KCNC2: variants seen among roughly 807,000 people sequenced by gnomAD.
KCNC2 encodes potassium voltage-gated channel subfamily C member 2.
In KCNC2, 21 loss-of-function variants were observed where a neutral mutation model predicts 44.5. That is an observed-to-expected ratio of 0.47 (90% CI 0.33 to 0.68). The LOEUF (loss-of-function observed/expected upper bound fraction) is 0.68, where lower values mean the gene tolerates loss of function less well. Among genes scored for constraint, KCNC2 ranks in the 30% least tolerant of loss-of-function variants. The probability of loss-of-function intolerance (pLI) is 0.01; values close to 1 mark genes in which losing one functional copy is unlikely to be tolerated. For synonymous variants in KCNC2, 391 were observed against 339.1 expected (o/e 1.15, Z -1.68); for missense variants, 589 against 826.2 (o/e 0.71, Z 3.52).
intron 2 of KCNC2, among the ~76,000 whole-genome samples, chr12:75,067,808 A>C (rs1882986253): frequency 6.6e-6 from 1 of 151,962 alleles, no homozygotes. Flanking sequence ...TTCATAATAT[A>C]TTATTAATTT....
intron 4 of KCNC2, chr12:75,043,733 A>G: frequency 6.8e-7 from 1 of 1,474,420 alleles, no homozygotes; most frequent in Non-Finnish European, 9.0e-7. Flanking sequence ...CCAGCTTTAT[A>G]GGGTTAAAAG....
intron 2 of KCNC2, among the ~76,000 whole-genome samples, chr12:75,148,316 A>G (rs1890161687): frequency 6.6e-6 from 1 of 152,078 alleles, no homozygotes; most frequent in African/African-American, 2.4e-5. Flanking sequence ...GACAACCATA[A>G]GCTCTTCCAT....
intron 1 of KCNC2, among the ~76,000 whole-genome samples, chr12:75,208,813 C>G (rs967573374): frequency 6.6e-6 from 1 of 152,040 alleles, no homozygotes. Context: ...TTCCTTTTCA[C>G]GTTATTATTA....
Position 75,050,667 on chromosome 12 carries a change from T to C in KCNC2, c.1338A>G (p.Gln446=), listed in dbSNP as rs1399973483. The C allele has an allele frequency of 1.9e-6, 3 of 1,613,580 alleles. No individual in the cohort carries two copies. The highest frequency in any genetic ancestry group is 2.2e-5 in the South Asian group (2 of 91,066). ...CTCCCACCAGCATGCCTGACCATGT[T>C]TGGGGGTACATATCCCCATAACCCA... The part of the protein sequence containing the change: ...TTLGYGDMYP[Q]TWSGMLVGAL... Residue 446 remains glutamine (Q), a synonymous_variant, in exon 3 of 5, where the codon CAA becomes CAG. Transcript: ENST00000549446.
In KCNC2 at chr12:75,127,428, G is replaced by A. The variant is rs1044315802; in HGVS notation, c.688-76111C>T. 6.6e-5 allele frequency among the ~76,000 whole-genome samples: 10 copies of A among 152,196 alleles called. No individual in the cohort carries two copies. In the East Asian group the frequency reaches 1.4e-3, roughly 21 times the overall value. The stretch of plus-strand genomic sequence containing the variant: ...CTGTATTATTTCATTCTAGTGATTG[G>A]AATTAATAAATAATTGAACATGTCA... On this transcript the variant is annotated intron_variant, in intron 2 of 4. Transcript: ENST00000549446.
rs1879965725 is a variant in KCNC2 at position 75,042,054 on chromosome 12, T to C, written c.*1051A>G. The C allele has an allele frequency of 1.7e-6, 2 of 1,166,306 alleles. No homozygotes were observed. Among genetic ancestry groups the C allele is most frequent in the Non-Finnish European group, 2.1e-6 (2 of 947,462 alleles). 72.2% of individuals were successfully genotyped at this position (1,166,306 alleles called of 1,614,324 possible). ...ATCTTTTGACTCAGGAATTTAAGGC[T>C]AGTCAAAAAAGCCTTCTGTGAACAC... On this transcript the variant is annotated 3_prime_UTR_variant, in exon 5 of 5. Coordinates refer to ENST00000549446, the MANE Select transcript of KCNC2 (RefSeq NM_139137.4).
At chr12:75,071,113 A>G (rs975245193) in intron 2 of KCNC2, among the ~76,000 whole-genome samples, 5 of 152,100 alleles carry the variant, frequency 3.3e-5, no homozygotes, top group African/African-American at 1.2e-4. Flanking sequence ...ATTCTGGACA[A>G]TTTACTTGGT....
In KCNC2 at chr12:75,142,484, G is replaced by A. The variant is rs79352983; in HGVS notation, c.687+64813C>T. On this transcript the variant is annotated intron_variant, in intron 2 of 4. Coordinates refer to ENST00000549446, the MANE Select transcript of KCNC2 (RefSeq NM_139137.4). Reference sequence around the variant, plus strand: ...ATCATTGATTAAACAGGCACTCTACGTCCAATATAGCAAACTGCCTGCAAG... The same window carrying A: ...ATCATTGATTAAACAGGCACTCTACATCCAATATAGCAAACTGCCTGCAAG... 4.6e-3 allele frequency among the ~76,000 whole-genome samples: 693 copies of A among 152,258 alleles called. 3 individuals carry two copies. Among genetic ancestry groups the A allele is most frequent in the African/African-American group, 0.015 (632 of 41,556 alleles).
intron 2 of KCNC2, among the ~76,000 whole-genome samples, chr12:75,177,931 T>C (rs1340960613): frequency 6.6e-6 from 1 of 151,910 alleles, no homozygotes; most frequent in African/African-American, 2.4e-5. Context: ...TGGAAAATAA[T>C]AACAATCTTC....
At chr12:75,141,195 A>C (rs1197490831) in intron 2 of KCNC2, among the ~76,000 whole-genome samples, 1 of 152,064 alleles carries the variant, frequency 6.6e-6, no homozygotes, top group Non-Finnish European at 1.5e-5. Context: ...CAAATGTTTT[A>C]TTTTCAAACC....
chr12:75,112,091 T>C lies in KCNC2; in HGVS notation c.688-60774A>G, dbSNP rs538473750. On this transcript the variant is annotated intron_variant, in intron 2 of 4. Transcript: ENST00000549446. ...TTTTAATTAAAATACAAAATGTCTG[T>C]TACAATTTATTTTTTGTTAACTATA... Among the ~76,000 whole-genome samples the C allele has an allele frequency of 4.6e-5, 7 of 152,056 alleles. No homozygotes were observed. In the South Asian group the frequency reaches 1.5e-3, roughly 32 times the overall value.
chr12:75,171,340 T>C (rs930858234), intron 2 of KCNC2, among the ~76,000 whole-genome samples: 1 of 151,734 alleles, frequency 6.6e-6, no homozygotes, highest in Non-Finnish European at 1.5e-5. Context: ...CTGAGTACAG[T>C]AGGACTGGGA....
intron 2 of KCNC2, among the ~76,000 whole-genome samples, chr12:75,182,387 G>A (rs940884285): frequency 8.6e-5 from 13 of 151,580 alleles, no homozygotes; most frequent in Non-Finnish European, 1.6e-4. Context: ...GCGGGGCGTG[G>A]TGGCGGGTGC....
intron 2 of KCNC2, among the ~76,000 whole-genome samples, chr12:75,177,426 G>A (rs1022758440): frequency 2.0e-5 from 3 of 151,872 alleles, no homozygotes; most frequent in Non-Finnish European, 4.4e-5. Context: ...ATTGTGTCAG[G>A]TAAGATGCTT....
chr12:75,051,962 A>C (rs971749202), intron 2 of KCNC2, among the ~76,000 whole-genome samples: 1 of 152,074 alleles, frequency 6.6e-6, no homozygotes, highest in African/African-American at 2.4e-5. Flanking sequence ...TAAAGGAGCA[A>C]TTTAAATGAA....
At chr12:75,135,766 T>G (rs914895434) in intron 2 of KCNC2, among the ~76,000 whole-genome samples, 10 of 152,042 alleles carry the variant, frequency 6.6e-5, no homozygotes, top group African/African-American at 2.2e-4. Flanking sequence ...TCTTCATACC[T>G]ATGCCCTAAC....
At chr12:75,122,360 T>TCCC (rs1337223050) in intron 2 of KCNC2, among the ~76,000 whole-genome samples, 13 of 152,076 alleles carry the variant, frequency 8.5e-5, no homozygotes, top group Non-Finnish European at 1.8e-4. Flanking sequence ...ATTTATAAGG[T>TCCC]AGAAAGAGAA....
chr12:75,066,200 AT>A (rs1882816971), intron 2 of KCNC2, among the ~76,000 whole-genome samples: 1 of 152,116 alleles, frequency 6.6e-6, no homozygotes, highest in African/African-American at 2.4e-5. Context: ...CAGTGTCACA[AT>A]AAAATTTTCT....
rs985400913 is a variant in KCNC2, at chr12:75,072,642, A to G, written c.688-21325T>C. Among the ~76,000 whole-genome samples the G allele has an allele frequency of 2.6e-5, 4 of 152,260 alleles. No homozygotes were observed. The East Asian group carries it at 7.7e-4, about 29-fold the overall frequency. ...AAATCAAGTAAGTCCCATATAAAAA[A>G]AAAGGTCACTTAGTATTAACTTTTC... On this transcript the variant is annotated intron_variant, in intron 2 of 4. Coordinates refer to ENST00000549446, the MANE Select transcript of KCNC2 (RefSeq NM_139137.4).
Sources: gnomAD v4.1 joint callset for allele counts (sites outside exome capture counted in the v4.1 genomes callset) on GRCh38, gnomAD v4.1.1 for gene constraint, MANE v1.5 for transcripts, NCBI Gene and HGNC (gene_info 2026-07-23, HGNC 2026-07-21) for gene names.